The following HSD17B12 variants were observed in gnomAD, a reference collection of about 807,000 sequenced individuals.
The protein encoded by HSD17B12 is very-long-chain 3-oxoacyl-CoA reductase.
A neutral mutation model predicts 39.3 loss-of-function variants in HSD17B12; 32 were observed. The observed-to-expected ratio is 0.81, with a 90% CI of 0.61 to 1.09. The LOEUF (loss-of-function observed/expected upper bound fraction) is 1.09, where lower values mean the gene tolerates loss of function less well. HSD17B12 is among the 50% of genes least tolerant of loss of function. HSD17B12 has a pLI of 0.00. For missense variants in HSD17B12, 342 were observed against 382.9 expected (o/e 0.89, Z 0.89); for synonymous variants, 150 against 146.7 (o/e 1.02, Z -0.16).
chr11:43,787,521 G>T (rs1246592710), intron 3 of HSD17B12, among the ~76,000 whole-genome samples: 2 of 151,930 alleles, frequency 1.3e-5, no homozygotes, highest in Admixed American at 1.3e-4. Context: ...TAGATCACCT[G>T]AGGTCAGGAG....
intron 1 of HSD17B12, among the ~76,000 whole-genome samples, chr11:43,691,570 T>C (rs2134783053): frequency 6.6e-6 from 1 of 152,272 alleles, no homozygotes; most frequent in East Asian, 1.9e-4. Context: ...ATATATTGCC[T>C]CCCTACCAAA....
At chr11:43,676,149 C>G (rs1443392481), upstream of HSD17B12, among the ~76,000 whole-genome samples, 1 of 150,006 alleles carries the variant, frequency 6.7e-6, no homozygotes, top group Non-Finnish European at 1.5e-5. Flanking sequence ...AGTCTTGGGC[C>G]TTAGAAAGGG....
the HSD17B12 span, among the ~76,000 whole-genome samples, chr11:43,658,330 G>T: frequency 6.6e-6 from 1 of 151,934 alleles, no homozygotes; most frequent in Non-Finnish European, 1.5e-5. Context: ...CTTTGCCATT[G>T]GTTCGAACTT....
At chr11:43,575,537 C>T in the HSD17B12 span, among the ~76,000 whole-genome samples, 8 of 152,262 alleles carry the variant, frequency 5.3e-5, no homozygotes, top group African/African-American at 7.2e-5. This position sits in a 1 kb window ranked among gnomAD's most constrained non-coding sequence, Gnocchi z 4.1. Context: ...GGGCACGCCC[C>T]TCGGGGCCCC....
At chr11:43,853,010 G>A (rs557990286) in intron 9 of HSD17B12, 25 of 152,136 alleles carry the variant, frequency 1.6e-4, no homozygotes, top group African/African-American at 3.9e-4. Context: ...CTTAGACTTC[G>A]GAGTGGGAAA....
At chr11:43,680,407 A>T (rs11037557), upstream of HSD17B12, among the ~76,000 whole-genome samples, 515 of 152,256 alleles carry the variant, frequency 3.4e-3, 3 homozygotes, top group East Asian at 0.03. Flanking sequence ...TCCATTCACT[A>T]GCGGCTTCTC....
chr11:43,755,064 T>G (rs1950497116), intron 3 of HSD17B12: 1 of 420,328 alleles, frequency 2.4e-6, no homozygotes, highest in Non-Finnish European at 4.2e-6. Flanking sequence ...TCCTCACAAA[T>G]CAAATTGTTT....
At chr11:43,576,752 G>A in the HSD17B12 span, 1 of 152,180 alleles carries the variant, frequency 6.6e-6, no homozygotes, top group African/African-American at 2.4e-5. Context: ...GGGGTAAGGG[G>A]TGTAGCTGTG....
chr11:43,799,130 C>G (rs1002102401), intron 4 of HSD17B12, among the ~76,000 whole-genome samples: 3 of 151,904 alleles, frequency 2.0e-5, no homozygotes, highest in East Asian at 3.9e-4. Context: ...ACTATTACCC[C>G]CCGAGAAGAC....
chr11:43,817,018 ATATC>A (rs1219256974), intron 6 of HSD17B12, among the ~76,000 whole-genome samples: 7 of 54,848 alleles, frequency 1.3e-4, no homozygotes, highest in South Asian at 6.9e-4. Context: ...ATCTATATCT[ATATC>A]TATATCTATA....
the HSD17B12 span, among the ~76,000 whole-genome samples, chr11:43,597,848 T>A: frequency 6.6e-6 from 1 of 152,166 alleles, no homozygotes; most frequent in South Asian, 2.1e-4. Flanking sequence ...TTGGCCAGGC[T>A]GGTCTTGAAC....
chr11:43,642,812 ATTG>A, the HSD17B12 span, among the ~76,000 whole-genome samples: 2 of 152,046 alleles, frequency 1.3e-5, no homozygotes, highest in African/African-American at 4.8e-5. Flanking sequence ...ATTTGTCTTA[ATTG>A]TTTAGGAAAC....
intron 4 of HSD17B12, among the ~76,000 whole-genome samples, chr11:43,812,056 C>A (rs758680359): frequency 1.3e-5 from 2 of 152,076 alleles, no homozygotes; most frequent in East Asian, 1.9e-4. Flanking sequence ...GGATTTTATT[C>A]TTTTCATGGC....
chr11:43,764,541 GA>G (rs2134972235), intron 3 of HSD17B12, among the ~76,000 whole-genome samples: 1 of 152,166 alleles, frequency 6.6e-6, no homozygotes, highest in East Asian at 1.9e-4. Context: ...ATTATTTTGA[GA>G]GGGGCAATGA....
the HSD17B12 span, chr11:43,581,368 G>T: frequency 2.0e-6 from 1 of 490,810 alleles, no homozygotes; most frequent in South Asian, 1.5e-5. This position sits in a 1 kb window ranked among gnomAD's most constrained non-coding sequence, Gnocchi z 4.9. Flanking sequence ...TGAAGGCGGC[G>T]GCGAACCGAA....
intron 3 of HSD17B12, among the ~76,000 whole-genome samples, chr11:43,759,217 G>A (rs1247763511): frequency 1.3e-5 from 2 of 152,044 alleles, no homozygotes; most frequent in African/African-American, 4.8e-5. Context: ...TCTCACCTTC[G>A]AAATCTGTCA....
the HSD17B12 span, among the ~76,000 whole-genome samples, chr11:43,665,890 G>A: frequency 6.6e-6 from 1 of 152,200 alleles, no homozygotes; most frequent in Admixed American, 6.5e-5. Flanking sequence ...AGCAAAGCCT[G>A]CTGATATCAG....
At chr11:43,829,030 C>T (rs1171436163) in intron 6 of HSD17B12, among the ~76,000 whole-genome samples, 1 of 152,046 alleles carries the variant, frequency 6.6e-6, no homozygotes, top group East Asian at 1.9e-4. Flanking sequence ...TAAAAGCATG[C>T]AGATTTCAGG....
At chr11:43,595,037 G>A in the HSD17B12 span, among the ~76,000 whole-genome samples, 13 of 152,188 alleles carry the variant, frequency 8.5e-5, no homozygotes, top group Non-Finnish European at 1.6e-4. Context: ...TACCACAACT[G>A]CACAAATTTT....
Sources: gnomAD v4.1 joint callset for allele counts (sites outside exome capture counted in the v4.1 genomes callset) on GRCh38, gnomAD v4.1.1 for gene constraint, Gnocchi (gnomAD v3.1) non-coding constraint, MANE v1.5 for transcripts, NCBI Gene and HGNC (gene_info 2026-07-23, HGNC 2026-07-21) for gene names.